RUSC1: variants seen among roughly 807,000 people sequenced by gnomAD.
RUSC1 encodes RUN and SH3 domain containing 1, also known as AP-4 complex accessory subunit RUSC1.
Under a neutral mutation model 72.1 loss-of-function variants are expected in RUSC1, and 40 were observed. The observed-to-expected ratio is 0.55, with a 90% CI of 0.43 to 0.72. RUSC1 has a LOEUF of 0.72. Ranked by LOEUF, RUSC1 falls within the 30% of genes least tolerant of loss-of-function variation. RUSC1 has a pLI of 0.00. For missense variants in RUSC1, 1,092 were observed against 1,172.3 expected (o/e 0.93, Z 1.00); for synonymous variants, 512 against 494.2 (o/e 1.04, Z -0.48).
In RUSC1 at chr1:155,330,389, C is replaced by A. The variant is rs1651886954; in HGVS notation, c.2541-14C>A. 1.2e-6 allele frequency: 2 copies of A among 1,612,278 alleles called. No homozygotes were observed. Among genetic ancestry groups the A allele is most frequent in the African/African-American group, 1.3e-5 (1 of 74,982 alleles). On this transcript the variant is annotated splice_polypyrimidine_tract_variant and intron_variant, in intron 9 of 9. Coordinates refer to ENST00000368352, the MANE Select transcript of RUSC1 (RefSeq NM_001105203.2). ...CCTCACCTCATCCCAGTATCTTCCT[C>A]TGGCTCCCCTCAGGGCAGTGCGGGC... is the stretch of plus-strand genomic sequence containing the variant.
In RUSC1 at chr1:155,325,750, C is replaced by T; in HGVS notation, c.1814+78C>T. 6.3e-7 allele frequency: 1 copy of T among 1,574,904 alleles called. No individual in the cohort carries two copies. Among genetic ancestry groups the T allele is most frequent in the Non-Finnish European group, 8.7e-7 (1 of 1,145,892 alleles). ...TCATGGGTGGGACACAGTAGTAGTG[C>T]CTCACATCCCCAGAGAAGGCCCCCC... On this transcript the variant is annotated intron_variant, in intron 6 of 9. Coordinates refer to ENST00000368352, the MANE Select transcript of RUSC1 (RefSeq NM_001105203.2). This position sits in a 1 kb window ranked among gnomAD's most constrained non-coding sequence, Gnocchi z 6.5.
chr1:155,325,349 G>T lies in RUSC1; in HGVS notation c.1567G>T (p.Val523Leu). ...GGGTGATAGCCGGCTGAGCCCGGAT[G>T]TGGGGCACCTGGTGCTGACCACCCT... is the stretch of plus-strand genomic sequence containing the variant. Reference protein sequence around the residue: ...QLGDSRLSPDVGHLVLTTLCP... With the variant: ...QLGDSRLSPDLGHLVLTTLCP... Residue 523 changes from valine to leucine, a missense_variant, in exon 5 of 10, where the codon GTG becomes TTG. Physicochemically the swap from Val to Leu is conservative, Grantham distance 32 (BLOSUM62 1). Coordinates refer to ENST00000368352, the MANE Select transcript of RUSC1 (RefSeq NM_001105203.2). This position sits in a 1 kb window ranked among gnomAD's most constrained non-coding sequence, Gnocchi z 6.5. 6.3e-7 allele frequency: 1 copy of T among 1,599,770 alleles called. No individual in the cohort carries two copies. Among genetic ancestry groups the T allele is most frequent in the Non-Finnish European group, 8.5e-7 (1 of 1,177,448 alleles).
chr1:155,324,457 T>G, intron 2 of RUSC1: 2 of 1,612,430 alleles, frequency 1.2e-6, no homozygotes, highest in Non-Finnish European at 1.7e-6. Context: ...CAGGCAGGAC[T>G]GGGCCCCGGG....
Position 155,326,455 on chromosome 1 carries a change from CCTCTCTG to C in RUSC1, c.1862-123_1862-117del. On this transcript the variant is annotated intron_variant, in intron 7 of 9. Transcript: ENST00000368352. This position sits in a 1 kb window ranked among gnomAD's most constrained non-coding sequence, Gnocchi z 4.7. ...TCCTATAGCCCACCACATCCTTCCT[CCTCTCTG>C]CCCCAGTGCCCAGCAGAGTGAGGCC... 1.0e-6 allele frequency: 1 copy of C among 979,822 alleles called. No individual in the cohort carries two copies. Among genetic ancestry groups the C allele is most frequent in the South Asian group, 1.7e-5 (1 of 60,596 alleles). 60.7% of individuals were successfully genotyped at this position (979,822 alleles called of 1,614,324 possible). A position where few individuals can be genotyped will look rare whatever the true frequency, so the allele number is the denominator to read the frequency against.
At position 155,320,956 on chromosome 1, in the gene RUSC1, C is replaced by G. The variant is rs753312022; in HGVS notation, c.-122C>G. ...GGGCGGGGACCGTGGGAGCCGCGGA[C>G]AAGCCCAAGGCCGGAGCGGTTCCAG... is the stretch of plus-strand genomic sequence containing the variant. On this transcript the variant is annotated 5_prime_UTR_variant, in exon 1 of 10. Coordinates refer to ENST00000368352, the MANE Select transcript of RUSC1 (RefSeq NM_001105203.2). The G allele has an allele frequency of 3.2e-6, 5 of 1,559,656 alleles. No individual in the cohort carries two copies. Among genetic ancestry groups the G allele is most frequent in the Admixed American group, 1.9e-5 (1 of 53,494 alleles).
At chr1:155,324,708 C>A in intron 2 of RUSC1, 137 bp from the exon 3 acceptor site, 1 of 1,557,018 alleles carries the variant, frequency 6.4e-7, no homozygotes, top group Non-Finnish European at 8.7e-7. Flanking sequence ...GTGCTTCAGG[C>A]GGTCCTGCGC....
Position 155,322,944 on chromosome 1 carries a change from C to T in RUSC1, c.1171C>T (p.Pro391Ser). Residue 391 changes from proline to serine, a missense_variant, in exon 2 of 10, where the codon CCA becomes TCA. Transcript: ENST00000368352. ...CCCGCCAGTCCCGCCTCGAGACCCCCCAGTTGGCTGGGCTTTGGTCCCGCC... is the reference window on the plus strand; with the variant it reads ...CCCGCCAGTCCCGCCTCGAGACCCCTCAGTTGGCTGGGCTTTGGTCCCGCC... ...PAPPVPPRDPPVGWALVPPRP... is the reference protein window; with the variant it reads ...PAPPVPPRDPSVGWALVPPRP... The T allele has an allele frequency of 6.3e-7, 1 of 1,595,464 alleles. No homozygotes were observed. The highest frequency in any genetic ancestry group is 8.5e-7 in the Non-Finnish European group (1 of 1,171,016).
Position 155,325,535 on chromosome 1 carries a change from C to T in RUSC1, c.1709-32C>T, listed in dbSNP as rs114296858. ...GACCCGGCAGTGCGCAGGGCAGGGCCGGGCTTGGCTGACTGCACCCCACGT... is the reference window on the plus strand; with the variant it reads ...GACCCGGCAGTGCGCAGGGCAGGGCTGGGCTTGGCTGACTGCACCCCACGT... On this transcript the variant is annotated intron_variant, in intron 5 of 9. Transcript: ENST00000368352. The surrounding 1 kb of genome is among the most constrained non-coding windows in gnomAD (Gnocchi z 6.5). The T allele has an allele frequency of 2.4e-3, 3,803 of 1,606,196 alleles. 77 individuals carry two copies. The African/African-American group carries it at 0.044, about 19-fold the overall frequency.
intron 2 of RUSC1, chr1:155,324,600 C>A: frequency 1.9e-6 from 3 of 1,546,798 alleles, no homozygotes; most frequent in Non-Finnish European, 2.6e-6. Flanking sequence ...GGGGGCTGTG[C>A]CCTGAGGGAG....
In RUSC1 at chr1:155,325,964, G is replaced by T. The variant is rs1651356095; in HGVS notation, c.1861+54G>T. 1 of 1,563,672 alleles carries T rather than the reference G, an allele frequency of 6.4e-7. No homozygotes were observed. Among genetic ancestry groups the T allele is most frequent in the South Asian group, 1.1e-5 (1 of 90,050 alleles). On this transcript the variant is annotated intron_variant, in intron 7 of 9. Transcript: ENST00000368352. This position sits in a 1 kb window ranked among gnomAD's most constrained non-coding sequence, Gnocchi z 6.5. ...GCTGATGGGCTGGGAGGATGGGAAG[G>T]AAAGAGTTCTCTCCTGCTGGTTCCC...
At chr1:155,324,018 C>T (rs1570894113) in intron 2 of RUSC1, 1 of 1,051,854 alleles carries the variant, frequency 9.5e-7, no homozygotes, top group Non-Finnish European at 1.1e-6. Flanking sequence ...GCCTTTCCTG[C>T]TCCGTGGGCC....
chr1:155,324,492 T>C, intron 2 of RUSC1: 1 of 1,605,852 alleles, frequency 6.2e-7, no homozygotes, highest in Non-Finnish European at 8.5e-7. Context: ...TACACCTCCC[T>C]CCCCGCGCCC....
Position 155,328,181 on chromosome 1 carries a change from A to T in RUSC1, c.2446A>T (p.Ser816Cys). The change falls in exon 9 of 10, where the codon AGT becomes TGT. Residue 816 changes from serine to cysteine, a missense_variant. Physicochemically the swap from Ser to Cys is moderately radical, Grantham distance 112. Coordinates refer to ENST00000368352, the MANE Select transcript of RUSC1 (RefSeq NM_001105203.2). ...ATCTAGCTGGCTGCCCCCGACAGTG[A>T]GTGTGTTGGCTCTTGTGAAGCGGGG... ...RPSSWLPPTV[S>C]VLALVKRGAP... 1 of 1,613,346 alleles carries T rather than the reference A, an allele frequency of 6.2e-7. No homozygotes were observed. The highest frequency in any genetic ancestry group is 8.5e-7 in the Non-Finnish European group (1 of 1,179,726).
chr1:155,329,179 G>A (rs1384144232), intron 9 of RUSC1, among the ~76,000 whole-genome samples: 4 of 151,008 alleles, frequency 2.6e-5, no homozygotes, highest in Non-Finnish European at 4.4e-5. Context: ...CACGCCTCCT[G>A]GGCTCAAGTG....
chr1:155,327,812 C>G (rs1367904412), intron 8 of RUSC1, among the ~76,000 whole-genome samples: 1 of 152,162 alleles, frequency 6.6e-6, no homozygotes, highest in Non-Finnish European at 1.5e-5. Context: ...TCCAAACAAA[C>G]AAACAAAATG....
chr1:155,328,953 G>GA (rs1343925846), intron 9 of RUSC1, among the ~76,000 whole-genome samples: 1 of 152,050 alleles, frequency 6.6e-6, no homozygotes, highest in Non-Finnish European at 1.5e-5. Flanking sequence ...GGCTGGTCTA[G>GA]AACTCCTGAC....
In RUSC1 at chr1:155,331,043, C is replaced by T. The variant is rs1307486653; in HGVS notation, c.*472C>T. 6.4e-6 allele frequency: 1 copy of T among 155,520 alleles called. No individual in the cohort carries two copies. Among genetic ancestry groups the T allele is most frequent in the Non-Finnish European group, 1.4e-5 (1 of 69,882 alleles). The allele number at this position is 155,520 out of a possible 1,614,324, so 9.6% of individuals were successfully genotyped here. On this transcript the variant is annotated 3_prime_UTR_variant, in exon 10 of 10. Coordinates refer to ENST00000368352, the MANE Select transcript of RUSC1 (RefSeq NM_001105203.2). ...TGTACTAGGTGCTGAAGCCTGGACACCCTTGGTGGGTGGGCCTGTGGTGAT... is the reference window on the plus strand; with the variant it reads ...TGTACTAGGTGCTGAAGCCTGGACATCCTTGGTGGGTGGGCCTGTGGTGAT...
intron 1 of RUSC1, 41 bp downstream of exon 1, chr1:155,321,032 G>C (rs768057653): frequency 6.8e-7 from 1 of 1,475,200 alleles, no homozygotes; most frequent in African/African-American, 1.4e-5. Context: ...CGATGGACCT[G>C]GGCACGAGGG....
Position 155,330,478 on chromosome 1 carries a change from T to C in RUSC1, c.2616T>C (p.Arg872=), listed in dbSNP as rs1225211505. The change falls in exon 10 of 10, where the codon CGT becomes CGC. Residue 872 remains arginine, a synonymous_variant. Transcript: ENST00000368352. ...QLSFRRGEVL[R]VITTVDEDWL... is the part of the protein sequence containing the mutation. Reference sequence around the variant, plus strand: ...GCTTCCGGCGTGGGGAAGTGCTGCGTGTCATCACCACAGTGGATGAGGACT... The same window carrying C: ...GCTTCCGGCGTGGGGAAGTGCTGCGCGTCATCACCACAGTGGATGAGGACT... 1 of 1,613,946 alleles carries C rather than the reference T, an allele frequency of 6.2e-7. No individual in the cohort carries two copies. Among genetic ancestry groups the C allele is most frequent in the Admixed American group, 1.7e-5 (1 of 60,020 alleles).
Sources: allele counts gnomAD v4.1 joint callset (sites outside exome capture counted in the v4.1 genomes callset), GRCh38; gene constraint gnomAD v4.1.1; non-coding constraint Gnocchi (gnomAD v3.1); transcripts MANE v1.5; gene names NCBI Gene and HGNC (gene_info 2026-07-23, HGNC 2026-07-21).